Variants in IFNAR1 observed in about 807,000 individuals in gnomAD.
IFNAR1 encodes the protein interferon alpha/beta receptor 1.
IFNAR1 carries 47 observed loss-of-function variants against 62.1 expected under a neutral mutation model. The observed-to-expected ratio is 0.76, with a 90% confidence interval of 0.60 to 0.97. The LOEUF (loss-of-function observed/expected upper bound fraction) is 0.97, where lower values mean the gene tolerates loss of function less well. Among genes scored for constraint, IFNAR1 ranks in the 50% least tolerant of loss-of-function variants. The pLI, the probability that IFNAR1 is intolerant of heterozygous loss-of-function variation, is 0.00. For synonymous variants in IFNAR1, 219 were observed against 226.9 expected (o/e 0.97, Z 0.31); for missense variants, 638 against 654.5 (o/e 0.97, Z 0.27).
At position 33,349,284 on chromosome 21, in the gene IFNAR1, A is replaced by G; in HGVS notation, c.982A>G (p.Ile328Val). 1 of 1,599,978 alleles carries G rather than the reference A, an allele frequency of 6.3e-7. No homozygotes were observed. The highest frequency in any genetic ancestry group is 1.7e-5 in the Admixed American group (1 of 59,096). The change falls in exon 7 of 11, where the codon ATA (isoleucine) becomes GTA (valine). Residue 328 changes from isoleucine to valine, a missense_variant. Transcript: ENST00000270139. ...TGAAGAGATAAAGTTTGATACTGAA[A>G]TACAAGGTAAGGCAGTAGTTTTTAC... ...WSEEIKFDTEIQAFLLPPVFN... is the reference protein window; with the variant it reads ...WSEEIKFDTEVQAFLLPPVFN...
intron 1 of IFNAR1, among the ~76,000 whole-genome samples, chr21:33,333,856 C>G (rs928189693): frequency 6.6e-6 from 1 of 151,860 alleles, no homozygotes; most frequent in Non-Finnish European, 1.5e-5. Flanking sequence ...ATCTCCTGAC[C>G]TCGTGATCCA....
At chr21:33,325,391 G>A (rs1281770844) in intron 1 of IFNAR1, among the ~76,000 whole-genome samples, 1 of 152,218 alleles carries the variant, frequency 6.6e-6, no homozygotes, top group African/African-American at 2.4e-5. Context: ...GTGAAATGGC[G>A]GTGCCAGAGC....
chr21:33,336,751 T>A (rs2083241100), intron 2 of IFNAR1, among the ~76,000 whole-genome samples: 1 of 145,464 alleles, frequency 6.9e-6, no homozygotes, highest in Admixed American at 6.8e-5. Flanking sequence ...GGTACACTTT[T>A]TTTTTTTTTT....
chr21:33,337,686 C>CTGTATACATACATATACACACTTTG (rs2083252320), intron 2 of IFNAR1, among the ~76,000 whole-genome samples: 2 of 58,536 alleles, frequency 3.4e-5, no homozygotes, highest in Non-Finnish European at 7.4e-5. Flanking sequence ...ATAATACATA[C>CTGTATACATACATATACACACTTTG]TGTATACATA....
chr21:33,324,892 G>GGTGTGTGTGTGTGTGT (rs36158718), upstream of IFNAR1: 27,454 of 568,350 alleles, frequency 0.048, 499 homozygotes, highest in Middle Eastern at 0.093. Flanking sequence ...GCGGAGGGGC[G>GGTGTGTGTGTGTGTGT]GTGTGTGTGT....
At chr21:33,324,884 G>GT (rs2083108068), upstream of IFNAR1, 7 of 392,006 alleles carry the variant, frequency 1.8e-5, no homozygotes, top group Admixed American at 4.8e-5. Context: ...GCGCGTGCGC[G>GT]GAGGGGCGGT....
chr21:33,336,402 A>G (rs2083235442), intron 2 of IFNAR1, among the ~76,000 whole-genome samples: 1 of 144,076 alleles, frequency 6.9e-6, no homozygotes, highest in South Asian at 2.4e-4. Context: ...ATGTGTCTTT[A>G]TAGCAGCATG....
chr21:33,359,135 CTG>C lies in IFNAR1; in HGVS notation c.*3589_*3590del, dbSNP rs1331167230. ...AATTATTGAATGAATGAAATCTAAA[CTG>C]TGAACCTGAGGGTGTTTGTGGCAGT... On this transcript the variant is annotated 3_prime_UTR_variant, in exon 11 of 11. Coordinates refer to ENST00000270139, the MANE Select transcript of IFNAR1 (RefSeq NM_000629.3). 2.0e-5 allele frequency: 3 copies of C among 152,156 alleles called. No individual in the cohort carries two copies. Among genetic ancestry groups the C allele is most frequent in the African/African-American group, 4.8e-5 (2 of 41,428 alleles). The allele number at this position is 152,156 out of a possible 1,614,324, so 9.4% of individuals were successfully genotyped here. A position where few individuals can be genotyped will look rare whatever the true frequency, so the allele number is the denominator to read the frequency against.
At position 33,341,177 on chromosome 21, in the gene IFNAR1, A is replaced by G. The variant is rs1470206946; in HGVS notation, c.376+3A>G. On this transcript the variant is annotated splice_donor_region_variant and intron_variant, in intron 3 of 10. Transcript: ENST00000270139. ...CTCATTTACACCATTTCGCAAAGGT[A>G]AGAAAAAGTTGCTAGCTGAATTATA... 1 of 1,600,868 alleles carries G rather than the reference A, an allele frequency of 6.2e-7. No individual in the cohort carries two copies. The highest frequency in any genetic ancestry group is 1.1e-5 in the South Asian group (1 of 89,664).
Position 33,343,434 on chromosome 21 carries a change from T to G in IFNAR1, c.531+12T>G, listed in dbSNP as rs773039827. 1.7e-5 allele frequency: 27 copies of G among 1,606,318 alleles called. No individual in the cohort carries two copies. The South Asian group carries it at 2.0e-4, about 12-fold the overall frequency. On this transcript the variant is annotated intron_variant, in intron 4 of 10. Coordinates refer to ENST00000270139, the MANE Select transcript of IFNAR1 (RefSeq NM_000629.3). ...CTTCAGGTGTAGAAGTAAGCATTAT[T>G]TTTACCTCTGTTTAATCGATGTGAG...
chr21:33,354,547 CATG>C (rs2083430344), intron 10 of IFNAR1, among the ~76,000 whole-genome samples: 2 of 150,984 alleles, frequency 1.3e-5, no homozygotes, highest in South Asian at 4.1e-4. Flanking sequence ...TAACTAAAAA[CATG>C]AGACTTTTTT....
At chr21:33,331,729 G>A (rs1012578474) in intron 1 of IFNAR1, among the ~76,000 whole-genome samples, 4 of 152,036 alleles carry the variant, frequency 2.6e-5, no homozygotes, top group Admixed American at 2.6e-4. Flanking sequence ...TGACTTCATG[G>A]TGCCTCATCC....
At chr21:33,343,452 G>A (rs201771969) in intron 4 of IFNAR1, 30 bp downstream of exon 4, 97 of 1,589,818 alleles carry the variant, frequency 6.1e-5, no homozygotes, top group Non-Finnish European at 7.8e-5. Flanking sequence ...CTGTTTAATC[G>A]ATGTGAGAGA....
intron 1 of IFNAR1, among the ~76,000 whole-genome samples, chr21:33,327,386 G>A (rs1372715990): frequency 1.3e-5 from 2 of 152,226 alleles, no homozygotes; most frequent in East Asian, 3.9e-4. Context: ...TGTTTTAAAG[G>A]TATAAACTCA....
chr21:33,352,680 TA>T, intron 8 of IFNAR1, 77 bp from the exon 9 acceptor site: 1 of 777,784 alleles, frequency 1.3e-6, no homozygotes, highest in Non-Finnish European at 2.1e-6. Flanking sequence ...AGACTGAACA[TA>T]AAAAATTGAG....
chr21:33,357,853 C>T lies in IFNAR1; in HGVS notation c.*2304C>T, dbSNP rs1393646057. On this transcript the variant is annotated 3_prime_UTR_variant, in exon 11 of 11. Coordinates refer to ENST00000270139, the MANE Select transcript of IFNAR1 (RefSeq NM_000629.3). ...GGCCTGACCTTTGGAAAAGCCTTGT[C>T]ACTTTGGACGTTTGCGTCTTTGAAG... 2 of 152,118 alleles carry T rather than the reference C, an allele frequency of 1.3e-5. No homozygotes were observed. The highest frequency in any genetic ancestry group is 2.9e-5 in the Non-Finnish European group (2 of 68,070). The allele number at this position is 152,118 out of a possible 1,614,324, so 9.4% of individuals were successfully genotyped here.
intron 2 of IFNAR1, among the ~76,000 whole-genome samples, chr21:33,335,988 A>G (rs1185519103): frequency 1.4e-5 from 2 of 144,576 alleles, no homozygotes; most frequent in African/African-American, 2.6e-5. Flanking sequence ...TTAGTTACGT[A>G]TGTATACATG....
rs114653204 is a variant in IFNAR1, at chr21:33,335,286, A to T, written c.77-238A>T. The stretch of plus-strand genomic sequence containing the variant: ...AGACCATTTGTTTTTTAATTAAAAG[A>T]CAACTCTATTTCAAAGAGGAAAAAA... On this transcript the variant is annotated intron_variant, in intron 1 of 10. Coordinates refer to ENST00000270139, the MANE Select transcript of IFNAR1 (RefSeq NM_000629.3). Among the ~76,000 whole-genome samples, 838 of 152,332 alleles carry T rather than the reference A, an allele frequency of 5.5e-3. 13 individuals are homozygous for T. Among genetic ancestry groups the T allele is most frequent in the African/African-American group, 0.019 (802 of 41,578 alleles).
chr21:33,343,158 A>C lies in IFNAR1; in HGVS notation c.377-110A>C, dbSNP rs906752416. On this transcript the variant is annotated intron_variant, in intron 3 of 10. Transcript: ENST00000270139. ...CTTTCTATCCTATCTGTATGCTCTT[A>C]ACTCCCAGAAGTGGCAGGCACATAT... 3 of 825,904 alleles carry C rather than the reference A, an allele frequency of 3.6e-6. No individual in the cohort carries two copies. The East Asian group carries it at 7.8e-5, about 21-fold the overall frequency. The allele number at this position is 825,904 out of a possible 1,614,324, so 51.2% of individuals were successfully genotyped here.
Sources: allele counts gnomAD v4.1 joint callset (sites outside exome capture counted in the v4.1 genomes callset), GRCh38; gene constraint gnomAD v4.1.1; transcripts MANE v1.5; gene names NCBI Gene and HGNC (gene_info 2026-07-23, HGNC 2026-07-21).